The following ANK1 variants were observed in gnomAD, a reference collection of about 807,000 sequenced individuals.
The protein encoded by ANK1 is ankyrin 1.
Under a neutral mutation model 210.4 loss-of-function variants are expected in ANK1, and 51 were observed. The observed-to-expected ratio is 0.24, with a 90% CI of 0.19 to 0.31. The LOEUF (loss-of-function observed/expected upper bound fraction) is 0.31, where lower values mean the gene tolerates loss of function less well. ANK1 is among the 10% of genes least tolerant of loss of function. The probability of loss-of-function intolerance (pLI) is 1.00; values close to 1 mark genes in which losing one functional copy is unlikely to be tolerated. For missense variants in ANK1, 2,051 were observed against 2,504.4 expected, an observed-to-expected ratio of 0.82 and a Z score of 3.86; for synonymous variants, 967 against 1,025.9, an observed-to-expected ratio of 0.94 and a Z score of 1.10.
At chr8:41,682,122 T>A (rs1426178059) in intron 37 of ANK1, among the ~76,000 whole-genome samples, 1 of 152,170 alleles carries the variant, frequency 6.6e-6, no homozygotes, top group Non-Finnish European at 1.5e-5. Context: ...CTCATGACAG[T>A]CTATGGGTGG....
intron 1 of ANK1, among the ~76,000 whole-genome samples, chr8:41,862,925 T>C (rs1457496609): frequency 6.6e-6 from 1 of 152,056 alleles, no homozygotes; most frequent in Non-Finnish European, 1.5e-5. Context: ...GGTAGGAGGA[T>C]TGCTTGAGCC....
intron 1 of ANK1, among the ~76,000 whole-genome samples, chr8:41,831,118 G>A (rs1326849203): frequency 2.0e-5 from 3 of 152,172 alleles, no homozygotes; most frequent in Admixed American, 6.5e-5. Context: ...ACGAGGCTCC[G>A]CCTGGACCTT....
chr8:41,838,329 G>A (rs191808343), intron 1 of ANK1, among the ~76,000 whole-genome samples: 3 of 152,340 alleles, frequency 2.0e-5, no homozygotes, highest in African/African-American at 7.2e-5. Context: ...TGGTTTCCAC[G>A]CTGTAGGACC....
rs1035901453 is a variant in ANK1 at position 41,694,160 on chromosome 8, G to C, written c.3328-58C>G. 16 of 1,547,010 alleles carry C rather than the reference G, an allele frequency of 1.0e-5. No homozygotes were observed. The highest frequency in any genetic ancestry group is 1.7e-4 in the Middle Eastern group (1 of 5,894). On this transcript the variant is annotated intron_variant, in intron 28 of 42. Transcript: ENST00000289734. The surrounding 1 kb of genome is among the most constrained non-coding windows in gnomAD (Gnocchi z 5.7). ...CAAGCAGGAGAGGGGCTAATCAGACGGGAGGCAGCTCCATGCCTGGTGAGA... is the reference window on the plus strand; with the variant it reads ...CAAGCAGGAGAGGGGCTAATCAGACCGGAGGCAGCTCCATGCCTGGTGAGA...
At chr8:41,840,826 G>T (rs1808756081) in intron 1 of ANK1, among the ~76,000 whole-genome samples, 1 of 152,182 alleles carries the variant, frequency 6.6e-6, no homozygotes, top group South Asian at 2.1e-4. Flanking sequence ...GCCAAGAAAA[G>T]AGTGGCCCGC....
Position 41,717,639 on chromosome 8 carries a change from G to A in ANK1, c.1270C>T (p.Leu424=), listed in dbSNP as rs1014026986. 7.1e-6 allele frequency: 11 copies of A among 1,551,542 alleles called. No homozygotes were observed. The highest frequency in any genetic ancestry group is 9.6e-6 in the Non-Finnish European group (11 of 1,147,010). The change falls in exon 12 of 43, where the codon CTG becomes TTG. Residue 424 remains leucine (L), a synonymous_variant. Transcript: ENST00000289734. ...MGHLPIVKNL[L]QRGASPNVSN... is the part of the protein sequence containing the mutation. ...ACGTTGGGCGACGCCCCCCGCTGCA[G>A]GAGGTTCTTCACGATGGGAAGGTGC...
chr8:41,661,741 C>T (rs566145323), intron 41 of ANK1, 135 bp downstream of exon 41: 67 of 1,606,560 alleles, frequency 4.2e-5, no homozygotes, highest in Non-Finnish European at 5.1e-5. Flanking sequence ...GCAGACGGCC[C>T]GGCAGAGCAA....
At chr8:41,824,937 C>G (rs1009896878) in intron 1 of ANK1, among the ~76,000 whole-genome samples, 1 of 152,178 alleles carries the variant, frequency 6.6e-6, no homozygotes, top group African/African-American at 2.4e-5. Flanking sequence ...GGGGTCCACT[C>G]GAGGGTGAAG....
intron 40 of ANK1, 100 bp from the exon 41 acceptor site, chr8:41,662,041 G>C (rs1808490310): frequency 6.9e-7 from 1 of 1,453,666 alleles, no homozygotes; most frequent in Non-Finnish European, 9.5e-7. Context: ...CAGATCATCT[G>C]AGGTCAGGAG....
intron 1 of ANK1, among the ~76,000 whole-genome samples, chr8:41,777,869 C>T (rs774502222): frequency 1.3e-5 from 2 of 152,074 alleles, no homozygotes; most frequent in South Asian, 4.2e-4. Flanking sequence ...AAACAGCCAG[C>T]GCATCATTTC....
intron 1 of ANK1, among the ~76,000 whole-genome samples, chr8:41,840,498 T>C (rs141734915): frequency 3.3e-5 from 5 of 152,368 alleles, no homozygotes; most frequent in African/African-American, 1.2e-4. Context: ...CAAACCTTTA[T>C]TCCTCACAGT....
At chr8:41,701,454 TA>T in intron 22 of ANK1, 95 bp downstream of exon 22, 1 of 1,123,544 alleles carries the variant, frequency 8.9e-7, no homozygotes, top group Non-Finnish European at 1.4e-6. Context: ...GGGCGTGTTG[TA>T]AGGGGACAAA....
chr8:41,812,284 G>A (rs1018337996), intron 1 of ANK1, among the ~76,000 whole-genome samples: 2 of 152,092 alleles, frequency 1.3e-5, no homozygotes, highest in African/African-American at 4.8e-5. Flanking sequence ...AGATGAACAG[G>A]GAGAAAACCA....
chr8:41,672,118 C>T (rs1812603121), intron 38 of ANK1, among the ~76,000 whole-genome samples: 1 of 152,254 alleles, frequency 6.6e-6, no homozygotes, highest in South Asian at 2.1e-4. Flanking sequence ...TCCCAGTGCT[C>T]CTCGGGGTCT....
chr8:41,889,551 C>T (rs574374495), intron 1 of ANK1, among the ~76,000 whole-genome samples: 1 of 152,316 alleles, frequency 6.6e-6, no homozygotes, highest in South Asian at 2.1e-4. Context: ...ATGGTGCTCT[C>T]TTTTTTTAAT....
intron 42 of ANK1, among the ~76,000 whole-genome samples, chr8:41,657,288 C>T (rs986355060): frequency 5.3e-5 from 8 of 152,154 alleles, no homozygotes; most frequent in South Asian, 2.1e-4. Flanking sequence ...GGTTCAAGTC[C>T]CATGCTGCCT....
At chr8:41,713,286 C>T (rs943604087) in intron 16 of ANK1, among the ~76,000 whole-genome samples, 1 of 152,194 alleles carries the variant, frequency 6.6e-6, no homozygotes, top group Non-Finnish European at 1.5e-5. Context: ...CCTGGCCCCG[C>T]TCCCTCTCCT....
At position 41,668,373 on chromosome 8, in the gene ANK1, G is replaced by T; in HGVS notation, c.5288C>A (p.Thr1763Lys). The change falls in exon 39 of 43, where the codon ACA becomes AAA. Residue 1763 changes from threonine to lysine, a missense_variant. Physicochemically the swap from Thr to Lys is moderately conservative, Grantham distance 78. Coordinates refer to ENST00000289734, the MANE Select transcript of ANK1 (RefSeq NM_000037.4). ...GGAGCTCTCAGCCTCGGGCTGTTCT[G>T]TCCACGTGTGCTCACTTACAGACAC... is the stretch of plus-strand genomic sequence containing the variant. ...VLVSVSEHTW[T>K]EQPEAESSQA... The T allele has an allele frequency of 6.2e-7, 1 of 1,614,208 alleles. No homozygotes were observed. Among genetic ancestry groups the T allele is most frequent in the Non-Finnish European group, 8.5e-7 (1 of 1,180,040 alleles).
intron 1 of ANK1, among the ~76,000 whole-genome samples, chr8:41,894,168 C>T (rs554870201): frequency 6.6e-6 from 1 of 152,188 alleles, no homozygotes; most frequent in Non-Finnish European, 1.5e-5. Flanking sequence ...TCCCCTGCAC[C>T]CAAAGAATCA....
Sources: allele counts gnomAD v4.1 joint callset (sites outside exome capture counted in the v4.1 genomes callset), GRCh38; gene constraint gnomAD v4.1.1; non-coding constraint Gnocchi (gnomAD v3.1); transcripts MANE v1.5; gene names NCBI Gene and HGNC (gene_info 2026-07-23, HGNC 2026-07-21).